Variants in DACH2 observed in about 807,000 individuals in gnomAD.
The protein encoded by DACH2 is dachshund homolog 2.
Under a neutral mutation model 35.8 loss-of-function variants are expected in DACH2, and 17 were observed. The ratio of observed to expected loss-of-function variants is 0.48; its 90% CI spans 0.33 to 0.71. The LOEUF is 0.71. Ranked by LOEUF, DACH2 falls within the 30% of genes least tolerant of loss-of-function variation. DACH2 has a pLI of 0.02. For missense variants in DACH2, 469 were observed against 472.7 expected, an observed-to-expected ratio of 0.99 and a Z score of 0.07; for synonymous variants, 195 against 177.3, an observed-to-expected ratio of 1.10 and a Z score of -0.79.
chrX:86,336,173 G>A (rs1386289556), intron 1 of DACH2, among the ~76,000 whole-genome samples: 3 of 112,097 alleles, frequency 2.7e-5, no homozygotes, highest in Non-Finnish European at 5.6e-5. Flanking sequence ...GAGGATTTCT[G>A]CATCTATTTT....
At chrX:86,594,730 TA>T (rs1258481242) in intron 3 of DACH2, among the ~76,000 whole-genome samples, 1 of 111,695 alleles carries the variant, frequency 9.0e-6, no homozygotes, top group Non-Finnish European at 1.9e-5. Context: ...CATGTAAGTT[TA>T]TAAAGAATGT....
chrX:86,689,013 C>T (rs1444297150), intron 4 of DACH2, among the ~76,000 whole-genome samples: 1 of 111,845 alleles, frequency 8.9e-6, no homozygotes, highest in Non-Finnish European at 1.9e-5. Flanking sequence ...GCCCTAGAGG[C>T]TCATCAATTA....
intron 1 of DACH2, among the ~76,000 whole-genome samples, chrX:86,293,352 G>A (rs2034355298): frequency 9.1e-6 from 1 of 109,977 alleles, no homozygotes; most frequent in African/African-American, 3.3e-5. Context: ...CCTGAATACA[G>A]CACACTGATG....
intron 3 of DACH2, among the ~76,000 whole-genome samples, chrX:86,541,324 A>G (rs909864980): frequency 9.0e-6 from 1 of 111,113 alleles, no homozygotes; most frequent in African/African-American, 3.3e-5. Flanking sequence ...CTTAATTCCA[A>G]TTTATAGGCT....
At chrX:86,373,542 TGTAG>T (rs1369120397) in intron 1 of DACH2, among the ~76,000 whole-genome samples, 1 of 110,789 alleles carries the variant, frequency 9.0e-6, no homozygotes, top group East Asian at 2.9e-4. Context: ...GGATTAAAAA[TGTAG>T]GGGCAGTAGC....
chrX:86,173,332 A>G lies in DACH2; in HGVS notation c.488+24224A>G, dbSNP rs188484796. 2.8e-4 allele frequency among the ~76,000 whole-genome samples: 31 copies of G among 111,912 alleles called. No individual in the cohort carries two copies. The East Asian group carries it at 7.3e-3, about 26-fold the overall frequency. On this transcript the variant is annotated intron_variant, in intron 1 of 11. Coordinates refer to ENST00000373125, the MANE Select transcript of DACH2 (RefSeq NM_053281.3). ...AAGACAATAAACAATATGCATACCA[A>G]AGTAGGAAATTATATTACATGTTAG...
At chrX:86,256,630 C>A (rs1328931650) in intron 1 of DACH2, among the ~76,000 whole-genome samples, 1 of 111,822 alleles carries the variant, frequency 8.9e-6, no homozygotes, top group Non-Finnish European at 1.9e-5. Flanking sequence ...TAAAACAGTG[C>A]CATTCTTGTC....
At chrX:86,280,464 G>A (rs2034002875) in intron 1 of DACH2, among the ~76,000 whole-genome samples, 1 of 111,905 alleles carries the variant, frequency 8.9e-6, no homozygotes, top group Non-Finnish European at 1.9e-5. Context: ...CACTAAACAT[G>A]GAAAGGAGAA....
chrX:86,242,066 T>C (rs2033176667), intron 1 of DACH2, among the ~76,000 whole-genome samples: 1 of 112,837 alleles, frequency 8.9e-6, no homozygotes, highest in Admixed American at 9.3e-5. Context: ...AATGTGGGCT[T>C]GGAGCCCTCA....
chrX:86,589,819 A>C (rs1169461696), intron 3 of DACH2, among the ~76,000 whole-genome samples: 2 of 111,657 alleles, frequency 1.8e-5, no homozygotes, highest in Non-Finnish European at 3.8e-5. Flanking sequence ...TCTTTCACTT[A>C]GCAATATGCA....
intron 1 of DACH2, among the ~76,000 whole-genome samples, chrX:86,230,546 G>T (rs1407951070): frequency 9.0e-6 from 1 of 111,298 alleles, no homozygotes; most frequent in Non-Finnish European, 1.9e-5. Context: ...TTGTGGAATA[G>T]TGTCAAAAGG....
chrX:86,450,010 T>C (rs370831385), intron 2 of DACH2, among the ~76,000 whole-genome samples: 1 of 111,828 alleles, frequency 8.9e-6, no homozygotes, highest in Non-Finnish European at 1.9e-5. Flanking sequence ...CTCATTAATG[T>C]ATTTTACTTT....
chrX:86,493,885 G>A (rs768854565), intron 2 of DACH2, among the ~76,000 whole-genome samples: 5 of 112,022 alleles, frequency 4.5e-5, no homozygotes, highest in Non-Finnish European at 9.4e-5. Flanking sequence ...AATTGCTAGA[G>A]ACCTTTTCAC....
chrX:86,545,442 C>A (rs1270544115), intron 3 of DACH2, among the ~76,000 whole-genome samples: 1 of 111,748 alleles, frequency 8.9e-6, no homozygotes, highest in African/African-American at 3.3e-5. Flanking sequence ...CTATTAGATA[C>A]TATGCTTATT....
At chrX:86,466,654 G>A (rs1302432725) in intron 2 of DACH2, among the ~76,000 whole-genome samples, 1 of 111,811 alleles carries the variant, frequency 8.9e-6, no homozygotes, top group Non-Finnish European at 1.9e-5. Context: ...GTACAATGGG[G>A]GTATAGGTAT....
intron 4 of DACH2, among the ~76,000 whole-genome samples, chrX:86,660,862 T>A (rs2040597979): frequency 9.0e-6 from 1 of 111,509 alleles, no homozygotes; most frequent in Non-Finnish European, 1.9e-5. Context: ...AATAAGCATA[T>A]AGTTTCACAT....
intron 1 of DACH2, among the ~76,000 whole-genome samples, chrX:86,292,132 C>A (rs1158509873): frequency 6.1e-5 from 4 of 65,688 alleles, no homozygotes; most frequent in Non-Finnish European, 1.1e-4. Flanking sequence ...AGAGATTCAA[C>A]TTCTTCCTGG....
At chrX:86,325,157 C>A (rs2035091395) in intron 1 of DACH2, among the ~76,000 whole-genome samples, 1 of 111,294 alleles carries the variant, frequency 9.0e-6, no homozygotes, top group Non-Finnish European at 1.9e-5. Context: ...TGAAACCCAA[C>A]CCGTAATATC....
At chrX:86,656,845 ATG>A (rs200143799) in intron 4 of DACH2, among the ~76,000 whole-genome samples, 15 of 78,518 alleles carry the variant, frequency 1.9e-4, no homozygotes, top group African/African-American at 2.5e-4. Flanking sequence ...ATTAAAATAC[ATG>A]TGTGTGTGTG....
Sources: allele counts gnomAD v4.1 joint callset (sites outside exome capture counted in the v4.1 genomes callset), GRCh38; gene constraint gnomAD v4.1.1; transcripts MANE v1.5; gene names NCBI Gene and HGNC (gene_info 2026-07-23, HGNC 2026-07-21).